The following NBAS variants were observed in gnomAD, a reference collection of about 807,000 sequenced individuals.
NBAS encodes NBAS subunit of NRZ tethering complex, also known as NAG/BC035112 fusion.
In NBAS, 219 loss-of-function variants were observed where a neutral mutation model predicts 302.5. That is an observed-to-expected ratio of 0.72 (90% CI 0.65 to 0.81). The LOEUF is 0.81. Among genes scored for constraint, NBAS ranks in the 30% least tolerant of loss-of-function variants. The pLI is 0.00. For missense variants in NBAS, 2,932 were observed against 2,841.6 expected (o/e 1.03, Z -0.72); for synonymous variants, 1,118 against 1,021.6 (o/e 1.09, Z -1.80).
the NBAS span, among the ~76,000 whole-genome samples, chr2:15,136,435 G>A: frequency 6.6e-6 from 1 of 152,218 alleles, no homozygotes; most frequent in African/African-American, 2.4e-5. Context: ...TGAAAATGGT[G>A]ATAGACAATA....
chr2:15,155,270 T>C, the NBAS span, among the ~76,000 whole-genome samples: 1 of 152,204 alleles, frequency 6.6e-6, no homozygotes, highest in South Asian at 2.1e-4. Context: ...CCCTAACAGC[T>C]TGAGCAGCAC....
chr2:14,867,362 A>G, the NBAS span, among the ~76,000 whole-genome samples: 3 of 152,320 alleles, frequency 2.0e-5, no homozygotes, highest in East Asian at 5.8e-4. Context: ...AACAATCTGA[A>G]AAGCCCAAGG....
chr2:15,492,629 G>A (rs1680907725), intron 11 of NBAS, among the ~76,000 whole-genome samples: 2 of 151,952 alleles, frequency 1.3e-5, no homozygotes, highest in African/African-American at 4.8e-5. Context: ...GCTAACTTTT[G>A]TATTTTTTGT....
chr2:15,231,626 A>T (rs1013262614), intron 47 of NBAS, among the ~76,000 whole-genome samples: 2 of 152,222 alleles, frequency 1.3e-5, no homozygotes, highest in Non-Finnish European at 2.9e-5. Context: ...TAGATAAGAG[A>T]ATACAAAAGT....
At chr2:14,981,567 C>T in the NBAS span, among the ~76,000 whole-genome samples, 8 of 152,334 alleles carry the variant, frequency 5.3e-5, no homozygotes, top group South Asian at 1.0e-3. Context: ...ACCTGCTACC[C>T]AGCCAGGGAC....
intron 38 of NBAS, 47 bp downstream of exon 38, chr2:15,327,703 T>G (rs1175148730): frequency 1.9e-6 from 3 of 1,608,640 alleles, no homozygotes; most frequent in Non-Finnish European, 2.5e-6. Context: ...TTAACAATGT[T>G]CACCTAGAGT....
At chr2:15,311,395 G>A (rs1411154136) in intron 38 of NBAS, among the ~76,000 whole-genome samples, 1 of 152,158 alleles carries the variant, frequency 6.6e-6, no homozygotes, top group African/African-American at 2.4e-5. Context: ...GTACCCAGTA[G>A]GTTCCCTCCA....
chr2:15,389,751 A>G (rs1374313347), intron 28 of NBAS, among the ~76,000 whole-genome samples: 1 of 152,210 alleles, frequency 6.6e-6, no homozygotes, highest in Non-Finnish European at 1.5e-5. Flanking sequence ...AGAGATAAAA[A>G]CAAGTCTTTT....
At chr2:15,149,232 C>T in the NBAS span, among the ~76,000 whole-genome samples, 1 of 152,168 alleles carries the variant, frequency 6.6e-6, no homozygotes, top group Non-Finnish European at 1.5e-5. Context: ...TGTCCCTGCT[C>T]CCCCACTCCA....
At chr2:15,049,777 C>A in the NBAS span, among the ~76,000 whole-genome samples, 8 of 152,182 alleles carry the variant, frequency 5.3e-5, no homozygotes, top group Non-Finnish European at 1.0e-4. Flanking sequence ...AGCCACGCAC[C>A]CTGCCCTCAG....
chr2:15,456,394 C>G (rs969751633), intron 21 of NBAS, among the ~76,000 whole-genome samples: 1 of 152,190 alleles, frequency 6.6e-6, no homozygotes, highest in Non-Finnish European at 1.5e-5. Context: ...TTTAATATAG[C>G]TTGAACTCTA....
chr2:15,298,484 T>C (rs1282639398), intron 40 of NBAS, among the ~76,000 whole-genome samples: 1 of 152,166 alleles, frequency 6.6e-6, no homozygotes, highest in East Asian at 1.9e-4. Context: ...ACTGAAGCAA[T>C]TTCTTCTGAA....
At chr2:14,816,610 C>A in the NBAS span, among the ~76,000 whole-genome samples, 1 of 152,172 alleles carries the variant, frequency 6.6e-6, no homozygotes, top group Admixed American at 6.5e-5. Context: ...TGTTTTAATT[C>A]ATCTACAGGG....
At chr2:15,229,266 C>T (rs529024791) in intron 47 of NBAS, among the ~76,000 whole-genome samples, 155 of 134,646 alleles carry the variant, frequency 1.2e-3, no homozygotes, top group Middle Eastern at 4.9e-3. Context: ...CACTTGAACC[C>T]GGGGGCAGAG....
In NBAS at chr2:15,356,388, C is replaced by T; in HGVS notation, c.3846G>A (p.Gln1282=). 2 of 1,613,856 alleles carry T rather than the reference C, an allele frequency of 1.2e-6. No homozygotes were observed. Among genetic ancestry groups the T allele is most frequent in the Non-Finnish European group, 8.5e-7 (1 of 1,179,808 alleles). ...CCTGCTCCACTAAAAGGATTAGAAC[C>T]TGTCCCCGCCTTTCTTCTGGGTTCT... The part of the protein sequence containing the change: ...AGENPEERRG[Q]VLILLVEQAL... The change falls in exon 33 of 52, where the codon CAG becomes CAA. Residue 1282 remains glutamine, a synonymous_variant. Transcript: ENST00000281513.
At chr2:15,406,502 A>C (rs1180378123) in intron 25 of NBAS, among the ~76,000 whole-genome samples, 1 of 152,204 alleles carries the variant, frequency 6.6e-6, no homozygotes, top group Non-Finnish European at 1.5e-5. Flanking sequence ...CTGAGTATGA[A>C]AAGGCTTTCC....
At chr2:14,849,365 A>G in the NBAS span, among the ~76,000 whole-genome samples, 1 of 150,364 alleles carries the variant, frequency 6.7e-6, no homozygotes, top group Non-Finnish European at 1.5e-5. Flanking sequence ...TGAAGCGAGA[A>G]GGGAAGTTTA....
chr2:15,180,790 C>T (rs187471138), intron 50 of NBAS, among the ~76,000 whole-genome samples: 15 of 152,326 alleles, frequency 9.8e-5, no homozygotes, highest in African/African-American at 2.4e-4. Context: ...ATGGGGCCAG[C>T]GGCTACCATA....
the NBAS span, among the ~76,000 whole-genome samples, chr2:14,785,174 C>G: frequency 1.3e-5 from 2 of 152,082 alleles, no homozygotes; most frequent in Non-Finnish European, 2.9e-5. Context: ...GATTTTGTAT[C>G]CTGAGACTTT....
Sources: gnomAD v4.1 joint callset for allele counts (sites outside exome capture counted in the v4.1 genomes callset) on GRCh38, gnomAD v4.1.1 for gene constraint, MANE v1.5 for transcripts, NCBI Gene and HGNC (gene_info 2026-07-23, HGNC 2026-07-21) for gene names.